The following ARNT2 variants were observed in gnomAD, a reference collection of about 807,000 sequenced individuals.
ARNT2 encodes ARNT protein 2.
Under a neutral mutation model 91.7 loss-of-function variants are expected in ARNT2, and 36 were observed. That is an observed-to-expected ratio of 0.39 (90% confidence interval 0.30 to 0.52). The LOEUF is 0.52. Among genes scored for constraint, ARNT2 ranks in the 20% least tolerant of loss-of-function variants. The pLI, the probability that ARNT2 is intolerant of heterozygous loss-of-function variation, is 0.72. For synonymous variants in ARNT2, 365 were observed against 347.1 expected (o/e 1.05, Z -0.57); for missense variants, 775 against 939.3 (o/e 0.83, Z 2.29).
At chr15:80,566,001 A>T (rs1898473975) in intron 12 of ARNT2, among the ~76,000 whole-genome samples, 1 of 152,182 alleles carries the variant, frequency 6.6e-6, no homozygotes, top group Non-Finnish European at 1.5e-5. Flanking sequence ...AGAATGACAG[A>T]ACGTACTGGC....
chr15:80,478,342 A>G (rs1860345622), intron 5 of ARNT2, among the ~76,000 whole-genome samples: 6 of 152,236 alleles, frequency 3.9e-5, no homozygotes, highest in Admixed American at 3.9e-4. Flanking sequence ...CAGCTGGTTC[A>G]TCATAGTTGG....
At chr15:80,549,308 T>C (rs2141454702) in intron 8 of ARNT2, among the ~76,000 whole-genome samples, 1 of 152,304 alleles carries the variant, frequency 6.6e-6, no homozygotes, top group African/African-American at 2.4e-5. Flanking sequence ...TCCTTAAGCT[T>C]TGTGTAAGAA....
At chr15:80,420,265 T>C (rs868727152) in intron 1 of ARNT2, among the ~76,000 whole-genome samples, 4 of 152,214 alleles carry the variant, frequency 2.6e-5, no homozygotes, top group African/African-American at 7.2e-5. Context: ...CAAAGTGATA[T>C]GCATTCAGTA....
intron 6 of ARNT2, among the ~76,000 whole-genome samples, chr15:80,513,090 T>C (rs993243046): frequency 6.6e-6 from 1 of 152,194 alleles, no homozygotes; most frequent in Non-Finnish European, 1.5e-5. Context: ...TTATCCCTGC[T>C]GTATTGAAAA....
At chr15:80,571,813 T>G (rs1025891840) in intron 12 of ARNT2, among the ~76,000 whole-genome samples, 3 of 152,238 alleles carry the variant, frequency 2.0e-5, no homozygotes, top group Non-Finnish European at 4.4e-5. Flanking sequence ...CAAAGCACCT[T>G]GAAATCAGAA....
intron 12 of ARNT2, among the ~76,000 whole-genome samples, chr15:80,565,531 T>G (rs1898461994): frequency 1.5e-5 from 2 of 137,718 alleles, no homozygotes; most frequent in Admixed American, 1.5e-4. Flanking sequence ...TTTTTGTTTT[T>G]GTTATTGTTT....
At chr15:80,500,726 G>C (rs1470714865) in intron 5 of ARNT2, among the ~76,000 whole-genome samples, 2 of 152,166 alleles carry the variant, frequency 1.3e-5, no homozygotes, top group African/African-American at 2.4e-5. Flanking sequence ...TTTGTGAAGG[G>C]ACACACAGTA....
chr15:80,590,948 A>G (rs943864801), intron 17 of ARNT2, among the ~76,000 whole-genome samples: 2 of 152,234 alleles, frequency 1.3e-5, no homozygotes, highest in African/African-American at 4.8e-5. Context: ...ACTCTGCCAA[A>G]GAGCCAGGCA....
intron 8 of ARNT2, among the ~76,000 whole-genome samples, chr15:80,529,019 A>G (rs1269501124): frequency 6.6e-6 from 1 of 152,130 alleles, no homozygotes; most frequent in Non-Finnish European, 1.5e-5. Flanking sequence ...CCCTGGTTTT[A>G]TCTACACCAT....
intron 5 of ARNT2, among the ~76,000 whole-genome samples, chr15:80,487,402 C>T (rs369751449): frequency 1.3e-5 from 2 of 152,120 alleles, no homozygotes; most frequent in East Asian, 1.9e-4. Context: ...AGATGGGGCG[C>T]GTGGAGGGGT....
At chr15:80,508,336 C>A in intron 6 of ARNT2, 78 bp downstream of exon 6, 2 of 1,452,912 alleles carry the variant, frequency 1.4e-6, no homozygotes, top group Non-Finnish European at 1.9e-6. Context: ...CCTTGACCAG[C>A]TCTGCCGCAG....
intron 1 of ARNT2, among the ~76,000 whole-genome samples, chr15:80,410,881 G>A (rs1895672604): frequency 6.6e-6 from 1 of 150,692 alleles, no homozygotes; most frequent in African/African-American, 2.5e-5. Context: ...CCCTCCTTTT[G>A]TGGGGCAGGT....
At position 80,519,042 on chromosome 15, in the gene ARNT2, T is replaced by A. The variant is rs545023756; in HGVS notation, c.877+4637T>A. Among the ~76,000 whole-genome samples the A allele has an allele frequency of 2.0e-3, 298 of 152,288 alleles. 1 individual carries two copies. The highest frequency in any genetic ancestry group is 0.012 in the South Asian group (60 of 4,828). ...CATTTTAAAACACATTAATAATACA[T>A]TCATATAGTAAAGTTAAAAATATTG... On this transcript the variant is annotated intron_variant, in intron 8 of 18. Transcript: ENST00000303329.
At chr15:80,419,588 G>A (rs1047603302) in intron 1 of ARNT2, among the ~76,000 whole-genome samples, 21 of 152,318 alleles carry the variant, frequency 1.4e-4, no homozygotes, top group Non-Finnish European at 2.6e-4. Context: ...ATCCAGCAGC[G>A]TGAGAGGGTA....
Position 80,421,070 on chromosome 15 carries a change from G to A in ARNT2, c.31+16524G>A, listed in dbSNP as rs75976620. Among the ~76,000 whole-genome samples, 595 of 152,140 alleles carry A rather than the reference G, an allele frequency of 3.9e-3. 4 individuals are homozygous for A. The highest frequency in any genetic ancestry group is 7.0e-3 in the Non-Finnish European group (474 of 67,996). On this transcript the variant is annotated intron_variant, in intron 1 of 18. Coordinates refer to ENST00000303329, the MANE Select transcript of ARNT2 (RefSeq NM_014862.4). ...TATATACACCATGGAATACTACTCA[G>A]CCATAAAAAATAACAAAATAATGCC...
chr15:80,495,960 G>A (rs1486275357), intron 5 of ARNT2, among the ~76,000 whole-genome samples: 1 of 152,214 alleles, frequency 6.6e-6, no homozygotes, highest in Non-Finnish European at 1.5e-5. Context: ...TGTCTGCTCT[G>A]TGCTGCCTTT....
chr15:80,419,016 C>T (rs554748763), intron 1 of ARNT2, among the ~76,000 whole-genome samples: 3 of 152,228 alleles, frequency 2.0e-5, no homozygotes, highest in Admixed American at 1.3e-4. Flanking sequence ...GAGCGTCTTT[C>T]GGAGTCCTCC....
At chr15:80,502,551 C>G (rs1268235153) in intron 5 of ARNT2, among the ~76,000 whole-genome samples, 1 of 152,054 alleles carries the variant, frequency 6.6e-6, no homozygotes, top group African/African-American at 2.4e-5. Flanking sequence ...CTGGAAGGAG[C>G]GTGTCATGCA....
intron 5 of ARNT2, 74 bp downstream of exon 5, chr15:80,475,297 G>A (rs545299410): frequency 2.0e-6 from 3 of 1,478,588 alleles, no homozygotes; most frequent in Non-Finnish European, 2.8e-6. Context: ...GCTCACGCCT[G>A]TAATCCCAGT....
Sources: allele counts gnomAD v4.1 joint callset (sites outside exome capture counted in the v4.1 genomes callset), GRCh38; gene constraint gnomAD v4.1.1; transcripts MANE v1.5; gene names NCBI Gene and HGNC (gene_info 2026-07-23, HGNC 2026-07-21).